PNPT1: variants seen among roughly 807,000 people sequenced by gnomAD.
PNPT1 encodes the protein polyribonucleotide nucleotidyltransferase 1, mitochondrial.
A neutral mutation model predicts 119.5 loss-of-function variants in PNPT1; 53 were observed. The ratio of observed to expected loss-of-function variants is 0.44; its 90% CI spans 0.36 to 0.56. The LOEUF (loss-of-function observed/expected upper bound fraction) is 0.56. Among genes scored for constraint, PNPT1 ranks in the 20% least tolerant of loss-of-function variants. The pLI is 0.00. For synonymous variants in PNPT1, 357 were observed against 322.1 expected, an observed-to-expected ratio of 1.11 and a Z score of -1.16; for missense variants, 948 against 938.5, an observed-to-expected ratio of 1.01 and a Z score of -0.13.
chr2:55,667,976 A>G lies in PNPT1; in HGVS notation c.977-18T>C. ...AAATTTTTCTATAGAAAAAAGACAA[A>G]CCAAAACAAAGATTTTTACTTTTTT... On this transcript the variant is annotated intron_variant, in intron 11 of 27. Coordinates refer to ENST00000447944, the MANE Select transcript of PNPT1 (RefSeq NM_033109.5). 1 of 1,563,420 alleles carries G rather than the reference A, an allele frequency of 6.4e-7. No individual in the cohort carries two copies. The highest frequency in any genetic ancestry group is 2.3e-5 in the East Asian group (1 of 43,558).
At chr2:55,676,770 G>A (rs536511129) in intron 8 of PNPT1, among the ~76,000 whole-genome samples, 1 of 151,678 alleles carries the variant, frequency 6.6e-6, no homozygotes, top group East Asian at 1.9e-4. Context: ...GCTGAGTCAA[G>A]AGAATCACTT....
rs746524464 is a variant in PNPT1, at chr2:55,636,206, A to T, written c.*31T>A. ...TACAGCACATCACCCTAGACAAAAT[A>T]GAATTCTAGAATTCTCTTTAAAAAA... is the stretch of plus-strand genomic sequence containing the variant. On this transcript the variant is annotated 3_prime_UTR_variant, in exon 28 of 28. Transcript: ENST00000447944. 2 of 1,546,598 alleles carry T rather than the reference A, an allele frequency of 1.3e-6. No individual in the cohort carries two copies. Among genetic ancestry groups the T allele is most frequent in the South Asian group, 2.3e-5 (2 of 87,750 alleles).
chr2:55,680,348 A>T (rs189931518), intron 7 of PNPT1, among the ~76,000 whole-genome samples: 9 of 151,942 alleles, frequency 5.9e-5, no homozygotes, highest in Non-Finnish European at 1.2e-4. Flanking sequence ...TTTATATTGC[A>T]TGATTATGAA....
intron 14 of PNPT1, among the ~76,000 whole-genome samples, chr2:55,660,857 A>C (rs1696545355): frequency 6.6e-6 from 1 of 152,086 alleles, no homozygotes; most frequent in Non-Finnish European, 1.5e-5. Flanking sequence ...TTCCACCTTC[A>C]CACACACAGC....
At position 55,671,325 on chromosome 2, in the gene PNPT1, G is replaced by C. The variant is rs1320816360; in HGVS notation, c.970C>G (p.Leu324Val). The C allele has an allele frequency of 1.3e-6, 2 of 1,514,458 alleles. No individual in the cohort carries two copies. The highest frequency in any genetic ancestry group is 2.6e-5 in the South Asian group (2 of 76,746). The allele number at this position is 1,514,458 out of a possible 1,614,324, so 93.8% of individuals were successfully genotyped here. A position where few individuals can be genotyped will look rare whatever the true frequency, so the allele number is the denominator to read the frequency against. Reference sequence around the variant, plus strand: ...AAAATAAAATAAAATTTACCTTTTAGTTGTTCCTCCGTATCTAATCTTATT... The same window carrying C: ...AAAATAAAATAAAATTTACCTTTTACTTGTTCCTCCGTATCTAATCTTATT... ...NKIRLDTEEQ[L>V]KEKFPEADPY... The change falls in exon 11 of 28, where the codon CTA becomes GTA. Residue 324 changes from leucine (L) to valine (V), a missense_variant. Physicochemically the swap from Leu to Val is conservative, Grantham distance 32. Transcript: ENST00000447944.
chr2:55,653,298 T>G (rs1231881569), intron 18 of PNPT1, among the ~76,000 whole-genome samples: 1 of 152,248 alleles, frequency 6.6e-6, no homozygotes, highest in African/African-American at 2.4e-5. Flanking sequence ...CTTGGGATAC[T>G]AGTCTCCACG....
At position 55,643,215 on chromosome 2, in the gene PNPT1, T is replaced by C. The variant is rs1321427758; in HGVS notation, c.2014-2A>G. 12 of 1,614,076 alleles carry C rather than the reference T, an allele frequency of 7.4e-6. No individual in the cohort carries two copies. Among genetic ancestry groups the C allele is most frequent in the Non-Finnish European group, 1.0e-5 (12 of 1,180,042 alleles). On this transcript the variant is annotated splice_acceptor_variant, in intron 24 of 27. Transcript: ENST00000447944. LOFTEE classifies it high-confidence loss of function. ...TCCAAATTCTAATTGCTGCTCCTGC[T>C]GTAAGTGCAAAATAAGCCATAAGAT...
intron 25 of PNPT1, among the ~76,000 whole-genome samples, chr2:55,642,592 C>T (rs1263808852): frequency 1.1e-4 from 12 of 112,602 alleles, no homozygotes; most frequent in Non-Finnish European, 1.5e-4. Context: ...GGTGACAGAG[C>T]GAGACTCTGT....
chr2:55,653,036 C>T (rs919954061), intron 18 of PNPT1, among the ~76,000 whole-genome samples: 12 of 152,078 alleles, frequency 7.9e-5, no homozygotes, highest in Admixed American at 2.0e-4. Context: ...TTAGTAGAGA[C>T]GGGGTTTCAC....
intron 3 of PNPT1, among the ~76,000 whole-genome samples, chr2:55,686,145 T>C (rs1461790746): frequency 6.6e-6 from 1 of 152,212 alleles, no homozygotes; most frequent in Non-Finnish European, 1.5e-5. Flanking sequence ...AATCTTCTTG[T>C]CAACTTACGC....
chr2:55,635,078 G>C lies in PNPT1; in HGVS notation c.*1159C>G, dbSNP rs547678614. 3 of 152,052 alleles carry C rather than the reference G, an allele frequency of 2.0e-5. No individual in the cohort carries two copies. The highest frequency in any genetic ancestry group is 4.4e-5 in the Non-Finnish European group (3 of 68,026). The allele number at this position is 152,052 out of a possible 1,614,324, so 9.4% of individuals were successfully genotyped here. On this transcript the variant is annotated 3_prime_UTR_variant, in exon 28 of 28. Coordinates refer to ENST00000447944, the MANE Select transcript of PNPT1 (RefSeq NM_033109.5). ...TGTATTTTTATAAGATTTTAAAAAA[G>C]ATTACACATTCTAAATTATGACGTC...
chr2:55,645,309 C>A, intron 22 of PNPT1, 40 bp downstream of exon 22: 1 of 1,427,682 alleles, frequency 7.0e-7, no homozygotes, highest in Non-Finnish European at 9.8e-7. Context: ...CAGGCGTGAG[C>A]CACCGCGCCC....
intron 18 of PNPT1, among the ~76,000 whole-genome samples, chr2:55,650,141 C>CACCTCT (rs75906141): frequency 0.37 from 55,190 of 149,792 alleles, 12,342 homozygotes; most frequent in Non-Finnish European, 0.49. Flanking sequence ...TCCCTCTCTC[C>CACCTCT]ACCTCTACCT....
chr2:55,686,721 A>T (rs1454237591), intron 2 of PNPT1, among the ~76,000 whole-genome samples: 2 of 152,228 alleles, frequency 1.3e-5, no homozygotes, highest in Admixed American at 6.5e-5. Flanking sequence ...TACATAAGGA[A>T]AAATTCCCCA....
chr2:55,647,315 T>G, intron 19 of PNPT1, 32 bp downstream of exon 19: 1 of 1,472,670 alleles, frequency 6.8e-7, no homozygotes, highest in Middle Eastern at 1.8e-4. Flanking sequence ...TAGTCTTCAT[T>G]ATTAAATATT....
intron 8 of PNPT1, among the ~76,000 whole-genome samples, chr2:55,678,452 T>A (rs1697152509): frequency 6.6e-6 from 1 of 152,250 alleles, no homozygotes; most frequent in South Asian, 2.1e-4. Context: ...AAATAGAAAC[T>A]ACTGTGTGGG....
At chr2:55,647,269 T>G in intron 19 of PNPT1, 78 bp downstream of exon 19, 1 of 1,185,672 alleles carries the variant, frequency 8.4e-7, no homozygotes, top group South Asian at 1.5e-5. Flanking sequence ...TTCACCATTA[T>G]TTGTTTTTAT....
intron 23 of PNPT1, 106 bp from the exon 24 acceptor site, chr2:55,643,531 G>A: frequency 1.1e-6 from 1 of 948,864 alleles, no homozygotes; most frequent in Non-Finnish European, 1.6e-6. Context: ...GATCACTTGA[G>A]CTCAGGAGTT....
chr2:55,673,569 C>T (rs1696977297), intron 8 of PNPT1, among the ~76,000 whole-genome samples: 1 of 151,972 alleles, frequency 6.6e-6, no homozygotes, highest in Non-Finnish European at 1.5e-5. Flanking sequence ...CTGCCTCAGC[C>T]TCCCGAGTAG....
Sources: allele counts gnomAD v4.1 joint callset (sites outside exome capture counted in the v4.1 genomes callset), GRCh38; gene constraint gnomAD v4.1.1; transcripts MANE v1.5; gene names NCBI Gene and HGNC (gene_info 2026-07-23, HGNC 2026-07-21).